SPDYE3: variants seen among roughly 807,000 people sequenced by gnomAD.
SPDYE3 encodes the protein speedy/RINGO cell cycle regulator family member E3.
SPDYE3 carries 15 observed loss-of-function variants against 55.0 expected under a neutral mutation model. That is an observed-to-expected ratio of 0.27 (90% confidence interval 0.18 to 0.42). SPDYE3 has a LOEUF of 0.42. Ranked by LOEUF, SPDYE3 falls within the 10% of genes least tolerant of loss-of-function variation. SPDYE3 has a pLI of 1.00. For synonymous variants in SPDYE3, 89 were observed against 229.9 expected (o/e 0.39, Z 5.55); for missense variants, 236 against 576.7 (o/e 0.41, Z 6.05).
In SPDYE3 at chr7:100,307,741, T is replaced by G. The variant is rs1273943483; in HGVS notation, c.-145T>G. 20 of 1,392,728 alleles carry G rather than the reference T, an allele frequency of 1.4e-5. No homozygotes were observed. The highest frequency in any genetic ancestry group is 1.9e-5 in the Non-Finnish European group (20 of 1,057,016). The allele number at this position is 1,392,728 out of a possible 1,614,324, so 86.3% of individuals were successfully genotyped here. ...GGCAGTTCAGGTGAACAACAGTAAC[T>G]TCTCAGAGCTGTTCTCCACTCCTGA... On this transcript the variant is annotated 5_prime_UTR_variant, in exon 1 of 11. Coordinates refer to ENST00000332397, the MANE Select transcript of SPDYE3 (RefSeq NM_001004351.5).
intron 6 of SPDYE3, 35 bp downstream of exon 6, chr7:100,314,785 G>A (rs1300885872): frequency 1.1e-6 from 1 of 907,916 alleles, no homozygotes; most frequent in Non-Finnish European, 1.6e-6. Context: ...CTCCAATCCT[G>A]TTCTTTCTAA....
intron 10 of SPDYE3, chr7:100,320,647 C>A: frequency 1.9e-6 from 2 of 1,054,548 alleles, no homozygotes; most frequent in Non-Finnish European, 2.4e-6. Flanking sequence ...CCAAAGTCCT[C>A]GCTATGAAGC....
Position 100,319,633 on chromosome 7 carries a change from G to A in SPDYE3, c.1415G>A (p.Gly472Glu), listed in dbSNP as rs372544800. The A allele has an allele frequency of 7.4e-6, 12 of 1,614,076 alleles. No individual in the cohort carries two copies. The highest frequency in any genetic ancestry group is 1.0e-5 in the Non-Finnish European group (12 of 1,180,042). Residue 472 changes from glycine to glutamate, a missense_variant, in exon 9 of 11, where the codon GGG becomes GAG. Gly to Glu is a moderately conservative substitution (Grantham distance 98, BLOSUM62 -2). Coordinates refer to ENST00000332397, the MANE Select transcript of SPDYE3 (RefSeq NM_001004351.5). ...CAAAAGATCTTCTACTTCCTGTACGGGAAGACCCACTCTCACATACCCTTG... is the reference window on the plus strand; with the variant it reads ...CAAAAGATCTTCTACTTCCTGTACGAGAAGACCCACTCTCACATACCCTTG... ...PKQKIFYFLY[G>E]KTHSHIPLRP...
At chr7:100,317,492 C>G (rs1170203472) in intron 8 of SPDYE3, among the ~76,000 whole-genome samples, 4 of 151,962 alleles carry the variant, frequency 2.6e-5, no homozygotes, top group Admixed American at 6.6e-5. Context: ...GTTATCCAAG[C>G]TACTTGGGAG....
chr7:100,308,120 A>G, intron 1 of SPDYE3, 129 bp downstream of exon 1: 6 of 1,253,358 alleles, frequency 4.8e-6, no homozygotes, highest in South Asian at 4.4e-5. Flanking sequence ...ACCTGAGGTC[A>G]GCAGTTCAAG....
intron 1 of SPDYE3, 98 bp from the exon 2 acceptor site, chr7:100,308,876 G>A (rs1273643753): frequency 1.7e-6 from 1 of 593,882 alleles, no homozygotes; most frequent in African/African-American, 1.9e-5. Context: ...AGCAGTCTGA[G>A]AGGCTGGGGA....
chr7:100,318,074 C>T (rs1327380717), intron 8 of SPDYE3, among the ~76,000 whole-genome samples: 5 of 152,148 alleles, frequency 3.3e-5, no homozygotes, highest in Non-Finnish European at 7.4e-5. Context: ...TGACACTTCC[C>T]CCAGCAAGCA....
At chr7:100,315,710 T>G in intron 6 of SPDYE3, 75 bp from the exon 7 acceptor site, 1 of 1,595,022 alleles carries the variant, frequency 6.3e-7, no homozygotes. Context: ...GGAGGCACAC[T>G]TCTCCTCACT....
rs1789583890 is a variant in SPDYE3 at position 100,321,729 on chromosome 7, T to C, written c.*884T>C. The C allele has an allele frequency of 6.6e-6, 1 of 150,826 alleles. No homozygotes were observed. Among genetic ancestry groups the C allele is most frequent in the Non-Finnish European group, 1.5e-5 (1 of 67,760 alleles). The allele number at this position is 150,826 out of a possible 1,614,324, so 9.3% of individuals were successfully genotyped here. The stretch of plus-strand genomic sequence containing the variant: ...TGTGATTTTTAACATGTCTTAGATA[T>C]ATATACTAACATGTCTAATATATAC... On this transcript the variant is annotated 3_prime_UTR_variant, in exon 11 of 11. Transcript: ENST00000332397.
In SPDYE3 at chr7:100,319,972, TC is replaced by T. The variant is rs1789539494; in HGVS notation, c.1633del (p.Arg545AlafsTer14). The T allele has an allele frequency of 6.3e-7, 1 of 1,577,870 alleles. No homozygotes were observed. Among genetic ancestry groups the T allele is most frequent in the Non-Finnish European group, 8.6e-7 (1 of 1,162,030 alleles). On this transcript the variant is annotated frameshift_variant, in exon 10 of 11. Coordinates refer to ENST00000332397, the MANE Select transcript of SPDYE3 (RefSeq NM_001004351.5). LOFTEE classifies it high-confidence loss of function. ...CAGAGCACTGGGTGTGGGCGCGAGA[TC>T]GCGCCCACCTTTCCTAGAGCTCCAG... ...DPEHWVWARD[R>X]AHLS
chr7:100,312,880 C>G (rs1219810122), intron 4 of SPDYE3, among the ~76,000 whole-genome samples: 17 of 125,774 alleles, frequency 1.4e-4, no homozygotes, highest in African/African-American at 4.4e-4. Flanking sequence ...TGTCTCGAAA[C>G]AAAAAAAAAA....
rs1211047563 is a variant in SPDYE3, at chr7:100,312,496, C to CAA, written c.763+546_763+547dup. Among the ~76,000 whole-genome samples, 334 of 54,392 alleles carry CAA rather than the reference C, an allele frequency of 6.1e-3. 5 individuals are homozygous for CAA. Among genetic ancestry groups the CAA allele is most frequent in the African/African-American group, 0.022 (282 of 13,042 alleles). 35.7% of individuals were successfully genotyped at this position (54,392 alleles called of 152,430 possible). Reference sequence around the variant, plus strand: ...TGGGTGAGAGAGTGAGACGCTGTCTCAAAAAAAAAAAAAAAAAAAGAAGAA... The same window carrying CAA: ...TGGGTGAGAGAGTGAGACGCTGTCTCAAAAAAAAAAAAAAAAAAAAAGAAGAA... On this transcript the variant is annotated intron_variant, in intron 4 of 10. Transcript: ENST00000332397.
At chr7:100,318,974 C>T (rs1789510501) in intron 8 of SPDYE3, among the ~76,000 whole-genome samples, 1 of 151,242 alleles carries the variant, frequency 6.6e-6, no homozygotes, top group African/African-American at 2.4e-5. Context: ...TGGAGGGGCC[C>T]AATCTTGGCT....
chr7:100,318,874 C>A (rs564821928), intron 8 of SPDYE3, among the ~76,000 whole-genome samples: 2 of 148,768 alleles, frequency 1.3e-5, no homozygotes, highest in South Asian at 2.2e-4. Context: ...GGCTGTGCCA[C>A]CACACCTGGA....
chr7:100,315,263 A>G (rs1264083376), intron 6 of SPDYE3, among the ~76,000 whole-genome samples: 1 of 152,198 alleles, frequency 6.6e-6, no homozygotes, highest in Non-Finnish European at 1.5e-5. Context: ...TGGCCCACAG[A>G]GCAAGACTCT....
At chr7:100,311,106 C>T (rs1253930464) in intron 3 of SPDYE3, among the ~76,000 whole-genome samples, 1 of 68,946 alleles carries the variant, frequency 1.5e-5, no homozygotes, top group Admixed American at 1.6e-4. Flanking sequence ...GACGCTGTCT[C>T]AAAAAAAAAA....
chr7:100,318,887 GTTATTTA>G (rs750288221), intron 8 of SPDYE3, among the ~76,000 whole-genome samples: 23 of 140,670 alleles, frequency 1.6e-4, no homozygotes, highest in South Asian at 4.6e-4. Flanking sequence ...CACCTGGACA[GTTATTTA>G]TTTATTTATT....
In SPDYE3 at chr7:100,321,348, G is replaced by C. The variant is rs1315923852; in HGVS notation, c.*503G>C. ...ACTATGCATTTTATTGGTTTGTTTG[G>C]AAAATGTTGGCCATTGAATCATTAA... On this transcript the variant is annotated 3_prime_UTR_variant, in exon 11 of 11. Coordinates refer to ENST00000332397, the MANE Select transcript of SPDYE3 (RefSeq NM_001004351.5). 1 of 305,258 alleles carries C rather than the reference G, an allele frequency of 3.3e-6. No homozygotes were observed. The highest frequency in any genetic ancestry group is 6.4e-6 in the Non-Finnish European group (1 of 156,414). 18.9% of individuals were successfully genotyped at this position (305,258 alleles called of 1,614,324 possible).
intron 1 of SPDYE3, among the ~76,000 whole-genome samples, chr7:100,308,636 G>A (rs956707984): frequency 2.0e-5 from 3 of 151,900 alleles, no homozygotes; most frequent in Admixed American, 6.6e-5. Context: ...TGGAATCCGG[G>A]AGATGGATGT....
Sources: gnomAD v4.1 joint callset for allele counts (sites outside exome capture counted in the v4.1 genomes callset) on GRCh38, gnomAD v4.1.1 for gene constraint, MANE v1.5 for transcripts, NCBI Gene and HGNC (gene_info 2026-07-23, HGNC 2026-07-21) for gene names.